BTD: variants seen among roughly 807,000 people sequenced by gnomAD.
The protein encoded by BTD is biocytinase.
In BTD, 13 loss-of-function variants were observed where a neutral mutation model predicts 17.7. The observed-to-expected ratio is 0.74, with a 90% CI of 0.48 to 1.17. BTD has a LOEUF of 1.17. BTD is among the 50% of genes most tolerant of loss of function. The probability of loss-of-function intolerance (pLI) is 0.00; values close to 1 mark genes in which losing one functional copy is unlikely to be tolerated. For synonymous variants in BTD, 240 were observed against 245.2 expected (o/e 0.98, Z 0.20); for missense variants, 674 against 650.4 (o/e 1.04, Z -0.39).
chr3:15,708,019 C>G (rs1559377431), intron 3 of BTD: 1 of 1,610,738 alleles, frequency 6.2e-7, no homozygotes, highest in South Asian at 1.1e-5. Flanking sequence ...CAAGAGCAAA[C>G]AGGCACTGGT....
intron 3 of BTD, among the ~76,000 whole-genome samples, chr3:15,688,068 T>C (rs888635707): frequency 1.3e-5 from 2 of 152,212 alleles, no homozygotes; most frequent in Non-Finnish European, 2.9e-5. Context: ...CCTGTGGTTC[T>C]TTTTGTGGGT....
intron 1 of BTD, among the ~76,000 whole-genome samples, chr3:15,605,761 G>A (rs1272006364): frequency 3.3e-5 from 5 of 152,050 alleles, no homozygotes; most frequent in African/African-American, 1.2e-4. Flanking sequence ...GATGTGAAAC[G>A]GGCTGGGCAC....
intron 3 of BTD, chr3:15,679,328 A>T: frequency 6.2e-7 from 1 of 1,613,932 alleles, no homozygotes; most frequent in Non-Finnish European, 8.5e-7. Context: ...GGCGTTCACA[A>T]TGCTGGCACC....
At position 15,650,235 on chromosome 3, in the gene BTD, C is replaced by T. The variant is rs962725709; in HGVS notation, c.*4747C>T. Among the ~76,000 whole-genome samples the T allele has an allele frequency of 3.3e-5, 5 of 152,076 alleles. No individual in the cohort carries two copies. Among genetic ancestry groups the T allele is most frequent in the African/African-American group, 9.7e-5 (4 of 41,394 alleles). On this transcript the variant is annotated 3_prime_UTR_variant, in exon 4 of 4. Coordinates refer to ENST00000643237, the MANE Select transcript of BTD (RefSeq NM_001370658.1). Reference sequence around the variant, plus strand: ...TCAGACAGGCTGAGAAAAAACACAACGAAACATTATTTCCGTTTGGAAAGT... The same window carrying T: ...TCAGACAGGCTGAGAAAAAACACAATGAAACATTATTTCCGTTTGGAAAGT...
chr3:15,692,646 T>C (rs1316431833), intron 3 of BTD, among the ~76,000 whole-genome samples: 1 of 152,190 alleles, frequency 6.6e-6, no homozygotes, highest in Non-Finnish European at 1.5e-5. Context: ...GTTTTCACTG[T>C]ACCAAGTTGT....
At chr3:15,634,771 T>C (rs190413202) in intron 1 of BTD, among the ~76,000 whole-genome samples, 278 of 152,340 alleles carry the variant, frequency 1.8e-3, no homozygotes, top group African/African-American at 6.2e-3. Context: ...AATAACATGC[T>C]TTTATTGGGA....
chr3:15,644,945 A>C lies in BTD; in HGVS notation c.1029A>C (p.Lys343Asn). 7 of 1,614,148 alleles carry C rather than the reference A, an allele frequency of 4.3e-6. No homozygotes were observed. Among genetic ancestry groups the C allele is most frequent in the Non-Finnish European group, 5.9e-6 (7 of 1,180,030 alleles). ...ACCCATCCCATAGTAAGTTTTTAAA[A>C]ATTTTGTCAGGCGATCCGTACTGTG... ...ETDPSHSKFL[K>N]ILSGDPYCEK... is the part of the protein sequence containing the mutation. The change falls in exon 4 of 4, where the codon AAA becomes AAC. Residue 343 changes from lysine (K) to asparagine (N), a missense_variant. Physicochemically the swap from Lys to Asn is moderately conservative, Grantham distance 94 (BLOSUM62 0). Transcript: ENST00000643237.
exon 4 of BTD, chr3:15,712,221 G>C: frequency 6.4e-7 from 1 of 1,574,738 alleles, no homozygotes; most frequent in Non-Finnish European, 8.6e-7. Context: ...TGTATGCCAC[G>C]CCTAAAGTTA....
At chr3:15,613,556 C>G (rs897852512) in intron 1 of BTD, among the ~76,000 whole-genome samples, 1 of 151,974 alleles carries the variant, frequency 6.6e-6, no homozygotes, top group Non-Finnish European at 1.5e-5. Context: ...CTCCTTTCCT[C>G]CCCTTCTCCC....
chr3:15,711,231 T>G (rs767602669), exon 4 of BTD: 1 of 1,612,840 alleles, frequency 6.2e-7, no homozygotes, highest in East Asian at 2.2e-5. Flanking sequence ...CAGCTGCATG[T>G]AGACAAGTCC....
At chr3:15,640,153 G>A (rs566205097) in intron 2 of BTD, among the ~76,000 whole-genome samples, 103 of 152,274 alleles carry the variant, frequency 6.8e-4, no homozygotes, top group Admixed American at 1.3e-3. Flanking sequence ...CTTTGATCCA[G>A]TAATTTCACT....
At position 15,648,719 on chromosome 3, in the gene BTD, C is replaced by T. The variant is rs1376072185; in HGVS notation, c.*3231C>T. On this transcript the variant is annotated 3_prime_UTR_variant, in exon 4 of 4. Transcript: ENST00000643237. ...TAACCCCCAATAGCTCAGAATGTGG[C>T]CTTATTTGGAAATAGGGTCTTTGCA... Among the ~76,000 whole-genome samples the T allele has an allele frequency of 6.6e-6, 1 of 152,158 alleles. No homozygotes were observed. Among genetic ancestry groups the T allele is most frequent in the Non-Finnish European group, 1.5e-5 (1 of 68,038 alleles).
intron 3 of BTD, among the ~76,000 whole-genome samples, chr3:15,670,893 T>C (rs550488954): frequency 2.3e-4 from 35 of 152,334 alleles, no homozygotes; most frequent in African/African-American, 8.2e-4. Flanking sequence ...GTGAATATTC[T>C]TTCAGGATGG....
intron 4 of BTD, among the ~76,000 whole-genome samples, chr3:15,721,386 T>C (rs1294493779): frequency 6.6e-6 from 1 of 152,212 alleles, no homozygotes; most frequent in Non-Finnish European, 1.5e-5. Context: ...CAAAACTGAA[T>C]AATACAAAAG....
chr3:15,704,199 A>G (rs969021150), intron 3 of BTD, among the ~76,000 whole-genome samples: 2 of 152,076 alleles, frequency 1.3e-5, no homozygotes, highest in Non-Finnish European at 2.9e-5. Flanking sequence ...TTCTTACATG[A>G]TGTAAAATAA....
At chr3:15,667,486 G>A (rs2066042489) in intron 3 of BTD, 1 of 152,178 alleles carries the variant, frequency 6.6e-6, no homozygotes, top group Non-Finnish European at 1.5e-5. Flanking sequence ...AAAGCAAACA[G>A]GCTTTTCTAC....
intron 1 of BTD, among the ~76,000 whole-genome samples, chr3:15,628,684 T>C (rs1378927516): frequency 6.6e-6 from 1 of 152,248 alleles, no homozygotes; most frequent in Non-Finnish European, 1.5e-5. Context: ...GTCCCAGGAC[T>C]GACTGACAGT....
downstream of BTD, among the ~76,000 whole-genome samples, chr3:15,655,036 A>G (rs969365719): frequency 2.0e-5 from 3 of 152,164 alleles, no homozygotes; most frequent in African/African-American, 7.2e-5. Context: ...CCCGGCCTGC[A>G]TCAGTTTTTA....
chr3:15,654,944 G>T (rs2455794), downstream of BTD, among the ~76,000 whole-genome samples: 65,599 of 152,048 alleles, frequency 0.43, 16,822 homozygotes, highest in Middle Eastern at 0.58. Context: ...TGTTGGTCAG[G>T]CTGGTCTCAA....
Sources: allele counts gnomAD v4.1 joint callset (sites outside exome capture counted in the v4.1 genomes callset), GRCh38; gene constraint gnomAD v4.1.1; transcripts MANE v1.5; gene names NCBI Gene and HGNC (gene_info 2026-07-23, HGNC 2026-07-21).